Variants in PPP1R37 observed in about 807,000 individuals in gnomAD.
The protein encoded by PPP1R37 is protein phosphatase 1 regulatory subunit 37.
PPP1R37 carries 21 observed loss-of-function variants against 61.0 expected under a neutral mutation model. The ratio of observed to expected loss-of-function variants is 0.34; its 90% CI spans 0.24 to 0.50. The LOEUF (loss-of-function observed/expected upper bound fraction) is 0.50. PPP1R37 is among the 20% of genes least tolerant of loss of function. PPP1R37 has a pLI of 0.98. For synonymous variants in PPP1R37, 443 were observed against 433.5 expected, an observed-to-expected ratio of 1.02 and a Z score of -0.27; for missense variants, 910 against 952.7, an observed-to-expected ratio of 0.96 and a Z score of 0.59.
rs1302017041 is a variant in PPP1R37 at position 45,126,138 on chromosome 19, C to T, written c.203-12376C>T. Among the ~76,000 whole-genome samples, 6 of 152,330 alleles carry T rather than the reference C, an allele frequency of 3.9e-5. No homozygotes were observed. The East Asian group carries it at 5.8e-4, about 15-fold the overall frequency. On this transcript the variant is annotated intron_variant, in intron 1 of 12. Coordinates refer to ENST00000221462, the MANE Select transcript of PPP1R37 (RefSeq NM_019121.2). ...CAGGCTGCTCCTTGAGACGCTGTCC[C>T]ACATGGGCCGGTCACTCACCTGCCA...
chr19:45,143,944 ATTC>A (rs1391955061), intron 8 of PPP1R37: 4 of 187,726 alleles, frequency 2.1e-5, no homozygotes, highest in Non-Finnish European at 4.3e-5. Context: ...GGTTCAAGCC[ATTC>A]TTCTGCCTCA....
chr19:45,140,293 G>T lies in PPP1R37; in HGVS notation c.346+12G>T. On this transcript the variant is annotated intron_variant, in intron 3 of 12. Coordinates refer to ENST00000221462, the MANE Select transcript of PPP1R37 (RefSeq NM_019121.2). ...TCTGGACCTGAAAGGTGTGTGTCTG[G>T]CTAGGGGTTGAGAGCCCTTGGGTCA... 1.3e-6 allele frequency: 2 copies of T among 1,535,914 alleles called. No homozygotes were observed. Among genetic ancestry groups the T allele is most frequent in the South Asian group, 2.4e-5 (2 of 84,056 alleles).
intron 1 of PPP1R37, among the ~76,000 whole-genome samples, chr19:45,122,330 T>C (rs1012106261): frequency 1.3e-5 from 2 of 152,174 alleles, no homozygotes; most frequent in African/African-American, 4.8e-5. Flanking sequence ...CAGCTGGCCC[T>C]GTCTGAGTTG....
intron 4 of PPP1R37, 76 bp downstream of exon 4, chr19:45,140,682 C>T (rs893684492): frequency 7.9e-6 from 9 of 1,132,282 alleles, no homozygotes; most frequent in Non-Finnish European, 1.2e-5. Flanking sequence ...GGAGAGGACA[C>T]TGCAGGAGGA....
In PPP1R37 at chr19:45,146,024, G is replaced by A; in HGVS notation, c.1968G>A (p.Lys656=). ...PPEPPPGPEV[K]GGSCGLEHEL... ...AGCCGCCCCCGGGGCCTGAGGTCAA[G>A]GGGGGCAGCTGCGGCCTGGAGCACG... Residue 656 remains lysine, a synonymous_variant, in exon 11 of 13, where the codon AAG becomes AAA. Transcript: ENST00000221462. The A allele has an allele frequency of 6.5e-7, 1 of 1,531,652 alleles. No homozygotes were observed. The highest frequency in any genetic ancestry group is 1.2e-5 in the South Asian group (1 of 83,714). 94.9% of individuals were successfully genotyped at this position (1,531,652 alleles called of 1,614,324 possible). A position where few individuals can be genotyped will look rare whatever the true frequency, so the allele number is the denominator to read the frequency against.
chr19:45,146,027 G>T lies in PPP1R37; in HGVS notation c.1971G>T (p.Gly657=). Residue 657 remains glycine (G), a synonymous_variant, in exon 11 of 13, where the codon GGG becomes GGT. Transcript: ENST00000221462. The part of the protein sequence containing the change: ...PEPPPGPEVK[G]GSCGLEHELS... ...CGCCCCCGGGGCCTGAGGTCAAGGGGGGCAGCTGCGGCCTGGAGCACGGTG... is the reference window on the plus strand; with the variant it reads ...CGCCCCCGGGGCCTGAGGTCAAGGGTGGCAGCTGCGGCCTGGAGCACGGTG... 1.3e-6 allele frequency: 2 copies of T among 1,531,270 alleles called. No homozygotes were observed. The highest frequency in any genetic ancestry group is 2.4e-5 in the South Asian group (2 of 83,686). The allele number at this position is 1,531,270 out of a possible 1,614,324, so 94.9% of individuals were successfully genotyped here. A position where few individuals can be genotyped will look rare whatever the true frequency, so the allele number is the denominator to read the frequency against.
chr19:45,095,304 G>A, intron 1 of PPP1R37, among the ~76,000 whole-genome samples: 1 of 151,976 alleles, frequency 6.6e-6, no homozygotes, highest in South Asian at 2.1e-4. Flanking sequence ...GGCTAAAAAT[G>A]TTTGTATTTT....
In PPP1R37 at chr19:45,121,730, G is replaced by A. The variant is rs1005460325; in HGVS notation, c.203-16784G>A. On this transcript the variant is annotated intron_variant, in intron 1 of 12. Coordinates refer to ENST00000221462, the MANE Select transcript of PPP1R37 (RefSeq NM_019121.2). The surrounding 1 kb of genome is among the most constrained non-coding windows in gnomAD (Gnocchi z 4.2). ...GTGGGGTGCTGGGGCCTCCACGGGCGTCATTCTGTGGTTGCTCCAGGATTG... is the reference window on the plus strand; with the variant it reads ...GTGGGGTGCTGGGGCCTCCACGGGCATCATTCTGTGGTTGCTCCAGGATTG... Among the ~76,000 whole-genome samples the A allele has an allele frequency of 2.0e-5, 3 of 152,338 alleles. No homozygotes were observed. The highest frequency in any genetic ancestry group is 1.9e-4 in the East Asian group (1 of 5,182).
chr19:45,105,557 A>G (rs1968119463), intron 1 of PPP1R37, among the ~76,000 whole-genome samples: 1 of 152,064 alleles, frequency 6.6e-6, no homozygotes, highest in African/African-American at 2.4e-5. Flanking sequence ...CAGGTGACCT[A>G]ATTCCCCATT....
rs1272783481 is a variant in PPP1R37 at position 45,095,700 on chromosome 19, G to A, written c.202+2173G>A. Among the ~76,000 whole-genome samples the A allele has an allele frequency of 2.7e-5, 4 of 150,838 alleles. No homozygotes were observed. The East Asian group carries it at 7.8e-4, about 30-fold the overall frequency. On this transcript the variant is annotated intron_variant, in intron 1 of 12. Coordinates refer to ENST00000221462, the MANE Select transcript of PPP1R37 (RefSeq NM_019121.2). ...ATCATTTGAGCCCAGGAGGTCGATA[G>A]TGCAGTGAACTGTGATTGCGCCACT...
rs1353642510 is a variant in PPP1R37, at chr19:45,146,012, G to A, written c.1956G>A (p.Gly652=). Residue 652 remains glycine, a synonymous_variant, in exon 11 of 13, where the codon GGG becomes GGA. Coordinates refer to ENST00000221462, the MANE Select transcript of PPP1R37 (RefSeq NM_019121.2). The part of the protein sequence containing the change: ...ALALPPEPPP[G]PEVKGGSCGL... Reference sequence around the variant, plus strand: ...CACTGCCCCCTGAGCCGCCCCCGGGGCCTGAGGTCAAGGGGGGCAGCTGCG... The same window carrying A: ...CACTGCCCCCTGAGCCGCCCCCGGGACCTGAGGTCAAGGGGGGCAGCTGCG... 6 of 1,532,808 alleles carry A rather than the reference G, an allele frequency of 3.9e-6. No individual in the cohort carries two copies. In the East Asian group the frequency reaches 7.3e-5, roughly 19 times the overall value. The allele number at this position is 1,532,808 out of a possible 1,614,324, so 95.0% of individuals were successfully genotyped here.
chr19:45,110,441 T>C (rs756821264), intron 1 of PPP1R37, among the ~76,000 whole-genome samples: 1 of 152,164 alleles, frequency 6.6e-6, no homozygotes, highest in Non-Finnish European at 1.5e-5. Context: ...ACTCATCTTT[T>C]AGGTCTCAGT....
At chr19:45,111,707 G>C (rs1968203010) in intron 1 of PPP1R37, among the ~76,000 whole-genome samples, 1 of 152,056 alleles carries the variant, frequency 6.6e-6, no homozygotes, top group Non-Finnish European at 1.5e-5. Flanking sequence ...ACCTCTGCCT[G>C]TGGGTGGGTG....
chr19:45,100,496 C>T (rs924794496), intron 1 of PPP1R37, among the ~76,000 whole-genome samples: 4 of 152,062 alleles, frequency 2.6e-5, no homozygotes, highest in Non-Finnish European at 5.9e-5. Flanking sequence ...GCCGTTTGCC[C>T]CAATTTGTAG....
intron 1 of PPP1R37, among the ~76,000 whole-genome samples, chr19:45,098,753 A>G (rs1278295512): frequency 6.6e-6 from 1 of 152,156 alleles, no homozygotes; most frequent in Admixed American, 6.5e-5. Flanking sequence ...ACAGGTAGAC[A>G]TGCATCTGTC....
At chr19:45,102,356 C>T (rs576666564) in intron 1 of PPP1R37, among the ~76,000 whole-genome samples, 2 of 152,368 alleles carry the variant, frequency 1.3e-5, no homozygotes, top group African/African-American at 4.8e-5. Context: ...TGAGAGGCAG[C>T]ACGGGAGCCC....
chr19:45,115,038 T>C (rs1968247337), intron 1 of PPP1R37, among the ~76,000 whole-genome samples: 1 of 152,100 alleles, frequency 6.6e-6, no homozygotes, highest in Non-Finnish European at 1.5e-5. Flanking sequence ...GTTTTCTTAG[T>C]GGTTCAGGCA....
intron 1 of PPP1R37, among the ~76,000 whole-genome samples, chr19:45,116,666 G>A (rs1599697470): frequency 6.6e-6 from 1 of 152,222 alleles, no homozygotes; most frequent in Non-Finnish European, 1.5e-5. Context: ...AAGGGTGGAC[G>A]TTGTCTTCAT....
intron 1 of PPP1R37, among the ~76,000 whole-genome samples, chr19:45,127,794 G>C (rs1968425740): frequency 6.6e-6 from 1 of 152,044 alleles, no homozygotes; most frequent in Admixed American, 6.6e-5. Context: ...GACTAACACA[G>C]TGAAACCCTG....
Sources: gnomAD v4.1 joint callset for allele counts (sites outside exome capture counted in the v4.1 genomes callset) on GRCh38, gnomAD v4.1.1 for gene constraint, Gnocchi (gnomAD v3.1) non-coding constraint, MANE v1.5 for transcripts, NCBI Gene and HGNC (gene_info 2026-07-23, HGNC 2026-07-21) for gene names.